TRAF6: variants seen among roughly 807,000 people sequenced by gnomAD.
TRAF6 encodes TNF receptor associated factor 6.
In TRAF6, 10 loss-of-function variants were observed where a neutral mutation model predicts 48.4. That is an observed-to-expected ratio of 0.21 (90% CI 0.13 to 0.35). The LOEUF (loss-of-function observed/expected upper bound fraction) is 0.35. Among genes scored for constraint, TRAF6 ranks in the 10% least tolerant of loss-of-function variants. TRAF6 has a pLI of 1.00. For synonymous variants in TRAF6, 186 were observed against 219.6 expected, an observed-to-expected ratio of 0.85 and a Z score of 1.35; for missense variants, 397 against 661.0, an observed-to-expected ratio of 0.60 and a Z score of 4.38.
At position 36,486,133 on chromosome 11, in the gene TRAF6, G is replaced by A. The variant is rs558552924; in HGVS notation, c.*3705C>T. On this transcript the variant is annotated 3_prime_UTR_variant, in exon 7 of 7. Coordinates refer to ENST00000526995, the MANE Select transcript of TRAF6 (RefSeq NM_004620.4). ...TGGCTCACTGCAACCTGTGCTTCCCGGGTTCAAGCGATTCCCGTGCCTCAG... is the reference window on the plus strand; with the variant it reads ...TGGCTCACTGCAACCTGTGCTTCCCAGGTTCAAGCGATTCCCGTGCCTCAG... 1.5e-3 allele frequency among the ~76,000 whole-genome samples: 227 copies of A among 152,206 alleles called. 2 individuals carry two copies. The highest frequency in any genetic ancestry group is 0.01 in the Middle Eastern group (3 of 294).
Position 36,501,457 on chromosome 11 carries a change from C to A in TRAF6, c.59G>T (p.Cys20Phe). 2.5e-6 allele frequency: 4 copies of A among 1,614,076 alleles called. No homozygotes were observed. Among genetic ancestry groups the A allele is most frequent in the Non-Finnish European group, 3.4e-6 (4 of 1,179,974 alleles). ...CGSSQSESDC[C>F]VAMASSCSAV... ...GCTACAGGAGCTGGCCATGGCCACA[C>A]AGCAGTCACTTTCAGACTGGCTGGA... The change falls in exon 2 of 7, where the codon TGT becomes TTT. Residue 20 changes from cysteine to phenylalanine, a missense_variant. Physicochemically the swap from Cys to Phe is radical, Grantham distance 205. Coordinates refer to ENST00000526995, the MANE Select transcript of TRAF6 (RefSeq NM_004620.4).
Position 36,498,563 on chromosome 11 carries a change from C to T in TRAF6, c.374G>A (p.Arg125His). The change falls in exon 3 of 7, where the codon CGT (arginine) becomes CAT (histidine). Residue 125 changes from arginine (R) to histidine (H), a missense_variant. This residue lies in a region of TRAF6 where 245 missense variants were observed against 349.1 expected (regional missense o/e 0.70). Transcript: ENST00000526995. ...NQLFPDNFAKREILSLMVKCP... is the reference protein window; with the variant it reads ...NQLFPDNFAKHEILSLMVKCP... ...TTTCACCATCAGAGAAAGAATCTCACGTTTTGCAAAATTGTCTGGAAATAG... is the reference window on the plus strand; with the variant it reads ...TTTCACCATCAGAGAAAGAATCTCATGTTTTGCAAAATTGTCTGGAAATAG... The T allele has an allele frequency of 1.2e-6, 2 of 1,613,390 alleles. No individual in the cohort carries two copies. The highest frequency in any genetic ancestry group is 1.7e-6 in the Non-Finnish European group (2 of 1,179,884).
At chr11:36,497,333 A>C in intron 3 of TRAF6, 67 bp from the exon 4 acceptor site, 1 of 1,430,546 alleles carries the variant, frequency 7.0e-7, no homozygotes, top group Non-Finnish European at 9.5e-7. Context: ...AAGCTCTCCT[A>C]ATCATATACT....
chr11:36,490,480 T>C lies in TRAF6; in HGVS notation c.927A>G (p.Gln309=), dbSNP rs774002087. ...CAGTCAGCTCCCGGATTTGATGGTC[T>C]TGTCTTACAAGGCGACCCTCTAACT... ...IHQLEGRLVR[Q]DHQIRELTAK... is the part of the protein sequence containing the mutation. The change falls in exon 7 of 7, where the codon CAA becomes CAG. Residue 309 remains glutamine, a synonymous_variant. Transcript: ENST00000526995. This position sits in a 1 kb window ranked among gnomAD's most constrained non-coding sequence, Gnocchi z 6.4. 1.2e-6 allele frequency: 2 copies of C among 1,613,688 alleles called. No individual in the cohort carries two copies. Among genetic ancestry groups the C allele is most frequent in the Non-Finnish European group, 1.7e-6 (2 of 1,180,040 alleles).
rs1208179547 is a variant in TRAF6, at chr11:36,510,035, G to A, written c.-23+13C>T. 6.6e-6 allele frequency: 1 copy of A among 152,430 alleles called. No individual in the cohort carries two copies. The highest frequency in any genetic ancestry group is 1.5e-5 in the Non-Finnish European group (1 of 68,234). 9.4% of individuals were successfully genotyped at this position (152,430 alleles called of 1,614,324 possible). On this transcript the variant is annotated intron_variant, in intron 1 of 6. Coordinates refer to ENST00000526995, the MANE Select transcript of TRAF6 (RefSeq NM_004620.4). ...CGGCGGCCGCCAGGAGGAGGCGCCT[G>A]AAGGAGACTCACCGTTCTAGTGCGC...
In TRAF6 at chr11:36,489,793, G is replaced by A. The variant is rs1380045867; in HGVS notation, c.*45C>T. 7 of 1,559,150 alleles carry A rather than the reference G, an allele frequency of 4.5e-6. No homozygotes were observed. In the African/African-American group the frequency reaches 8.2e-5, roughly 18 times the overall value. On this transcript the variant is annotated 3_prime_UTR_variant, in exon 7 of 7. Transcript: ENST00000526995. ...GTTATTGAGAACAGGGCAAGGAAAGGCACTGTTTTCTCCAGGTAGTTGTTT... is the reference window on the plus strand; with the variant it reads ...GTTATTGAGAACAGGGCAAGGAAAGACACTGTTTTCTCCAGGTAGTTGTTT...
chr11:36,498,551 G>T lies in TRAF6; in HGVS notation c.386C>A (p.Ser129Tyr). ...TTCATTTGGACATTTCACCATCAGA[G>T]AAAGAATCTCACGTTTTGCAAAATT... is the stretch of plus-strand genomic sequence containing the variant. The part of the protein sequence containing the change: ...PDNFAKREIL[S>Y]LMVKCPNEGC... Residue 129 changes from serine to tyrosine, a missense_variant, in exon 3 of 7, where the codon TCT becomes TAT. Physicochemically the swap from Ser to Tyr is moderately radical, Grantham distance 144. This residue lies in a region of TRAF6 where 245 missense variants were observed against 349.1 expected (regional missense o/e 0.70). Transcript: ENST00000526995. 1 of 1,613,220 alleles carries T rather than the reference G, an allele frequency of 6.2e-7. No homozygotes were observed. The highest frequency in any genetic ancestry group is 8.5e-7 in the Non-Finnish European group (1 of 1,179,880).
chr11:36,508,466 G>A (rs1256882014), intron 1 of TRAF6, among the ~76,000 whole-genome samples: 1 of 152,040 alleles, frequency 6.6e-6, no homozygotes, highest in East Asian at 1.9e-4. Context: ...ATGTCTTGGG[G>A]GAGGGGGAAG....
intron 5 of TRAF6, 58 bp downstream of exon 5, chr11:36,494,918 C>T (rs1457659078): frequency 3.2e-6 from 4 of 1,240,432 alleles, no homozygotes; most frequent in Non-Finnish European, 4.6e-6. Context: ...AATTAAAAAA[C>T]CTAATTCACT....
intron 2 of TRAF6, among the ~76,000 whole-genome samples, chr11:36,500,202 A>T (rs2133674339): frequency 6.6e-6 from 1 of 152,310 alleles, no homozygotes; most frequent in South Asian, 2.1e-4. Context: ...GGAAAAAAGA[A>T]AATTAGGGCC....
chr11:36,508,824 T>TA (rs991373568), intron 1 of TRAF6, among the ~76,000 whole-genome samples: 4 of 152,174 alleles, frequency 2.6e-5, no homozygotes, highest in African/African-American at 9.7e-5. Flanking sequence ...TCCTGGGCAC[T>TA]ATTTACTCTG....
chr11:36,504,746 G>A (rs907949234), intron 1 of TRAF6, among the ~76,000 whole-genome samples: 4 of 152,120 alleles, frequency 2.6e-5, no homozygotes, highest in Admixed American at 2.6e-4. Flanking sequence ...ATTCTCTATG[G>A]CAGCTATAGC....
In TRAF6 at chr11:36,490,399, G is replaced by A. The variant is rs201926351; in HGVS notation, c.1008C>T (p.Thr336=). 2.4e-5 allele frequency: 38 copies of A among 1,613,958 alleles called. No individual in the cohort carries two copies. Among genetic ancestry groups the A allele is most frequent in the Non-Finnish European group, 3.2e-5 (38 of 1,180,038 alleles). The change falls in exon 7 of 7, where the codon ACC becomes ACT. Residue 336 remains threonine, a synonymous_variant. Transcript: ENST00000526995. This position sits in a 1 kb window ranked among gnomAD's most constrained non-coding sequence, Gnocchi z 6.4. ...YVSELKRTIR[T]LEDKVAEIEA... Reference sequence around the variant, plus strand: ...CGATTTCAGCAACTTTGTCCTCAAGGGTTCGAATGGTTCGTTTGAGCTCAC... The same window carrying A: ...CGATTTCAGCAACTTTGTCCTCAAGAGTTCGAATGGTTCGTTTGAGCTCAC...
rs1471139578 is a variant in TRAF6 at position 36,485,261 on chromosome 11, G to A, written c.*4577C>T. ...TACCATCTAAAATTTACATGACAAG[G>A]TACCAGAAATTGGTCAGCTTCAACT... On this transcript the variant is annotated 3_prime_UTR_variant, in exon 7 of 7. Transcript: ENST00000526995. Among the ~76,000 whole-genome samples the A allele has an allele frequency of 1.3e-5, 2 of 152,098 alleles. No individual in the cohort carries two copies. Among genetic ancestry groups the A allele is most frequent in the Admixed American group, 6.5e-5 (1 of 15,278 alleles).
At chr11:36,501,720 T>C (rs756285183) in intron 1 of TRAF6, 183 bp from the exon 2 acceptor site, 5 of 402,114 alleles carry the variant, frequency 1.2e-5, no homozygotes, top group Non-Finnish European at 2.2e-5. Context: ...ATAAGTTACC[T>C]GATTCTCTCC....
intron 1 of TRAF6, among the ~76,000 whole-genome samples, chr11:36,506,184 TATAAA>T (rs1161315576): frequency 6.6e-6 from 1 of 151,880 alleles, no homozygotes; most frequent in Non-Finnish European, 1.5e-5. Context: ...AAACCAGTGC[TATAAA>T]ATGAGGTATA....
chr11:36,499,614 T>A (rs1859689130), intron 2 of TRAF6, among the ~76,000 whole-genome samples: 1 of 152,134 alleles, frequency 6.6e-6, no homozygotes, highest in Admixed American at 6.5e-5. Context: ...TAAAATAATG[T>A]GGAGGTTGAG....
chr11:36,497,356 CA>C, intron 3 of TRAF6, 90 bp from the exon 4 acceptor site: 1 of 1,248,728 alleles, frequency 8.0e-7, no homozygotes, highest in Non-Finnish European at 1.1e-6. Flanking sequence ...TCTCTTTCAG[CA>C]GGCTACTGAA....
At chr11:36,502,107 G>A (rs1423800428) in intron 1 of TRAF6, among the ~76,000 whole-genome samples, 1 of 152,176 alleles carries the variant, frequency 6.6e-6, no homozygotes, top group Non-Finnish European at 1.5e-5. Context: ...GTGATCATGT[G>A]CCACTGTTAG....
Sources: gnomAD v4.1 joint callset for allele counts (sites outside exome capture counted in the v4.1 genomes callset) on GRCh38, gnomAD v4.1.1 for gene constraint, gnomAD v4.1.1 regional missense constraint, Gnocchi (gnomAD v3.1) non-coding constraint, MANE v1.5 for transcripts, NCBI Gene and HGNC (gene_info 2026-07-23, HGNC 2026-07-21) for gene names.